Variants in ZNF273 observed in about 807,000 individuals in gnomAD.
The protein encoded by ZNF273 is zinc finger protein 9.
A neutral mutation model predicts 14.9 loss-of-function variants in ZNF273; 11 were observed. The observed-to-expected ratio is 0.74, with a 90% confidence interval of 0.46 to 1.22. The LOEUF (loss-of-function observed/expected upper bound fraction) is 1.22, where lower values mean the gene tolerates loss of function less well. ZNF273 is among the 50% of genes most tolerant of loss of function. The pLI is 0.00. For missense variants in ZNF273, 577 were observed against 660.6 expected, an observed-to-expected ratio of 0.87 and a Z score of 1.39; for synonymous variants, 199 against 223.9, an observed-to-expected ratio of 0.89 and a Z score of 0.99.
intron 1 of ZNF273, among the ~76,000 whole-genome samples, chr7:64,905,551 C>G (rs1227594702): frequency 7.9e-6 from 1 of 125,974 alleles, no homozygotes; most frequent in Non-Finnish European, 1.7e-5. Flanking sequence ...AAGGGGAAAA[C>G]AAATAATTTC....
intron 3 of ZNF273, among the ~76,000 whole-genome samples, chr7:64,896,530 A>G (rs1792372397): frequency 6.6e-6 from 1 of 152,134 alleles, no homozygotes; most frequent in African/African-American, 2.4e-5. Context: ...TAAATATGAC[A>G]AAATATACCC....
downstream of ZNF273, among the ~76,000 whole-genome samples, chr7:64,891,739 A>G (rs753701507): frequency 1.3e-5 from 2 of 152,258 alleles, no homozygotes; most frequent in African/African-American, 2.4e-5. Context: ...CAGCTAAGTC[A>G]TAAAGACACA....
intron 1 of ZNF273, among the ~76,000 whole-genome samples, chr7:64,916,070 C>T (rs1327063291): frequency 6.6e-6 from 1 of 151,716 alleles, no homozygotes; most frequent in Non-Finnish European, 1.5e-5. Context: ...GTGGCACATG[C>T]TTGTAGTCCC....
chr7:64,906,779 T>A lies in ZNF273; in HGVS notation c.102+3360T>A, dbSNP rs186988715. On this transcript the variant is annotated intron_variant, in intron 1 of 3. Transcript: ENST00000476120. Reference sequence around the variant, plus strand: ...GGGATTAGGAAGGTCTTACTGGAGATGAAGTTGTTACTGTTTTAAGGCAGT... The same window carrying A: ...GGGATTAGGAAGGTCTTACTGGAGAAGAAGTTGTTACTGTTTTAAGGCAGT... Among the ~76,000 whole-genome samples, 22 of 152,256 alleles carry A rather than the reference T, an allele frequency of 1.4e-4. No individual in the cohort carries two copies. The East Asian group carries it at 4.2e-3, about 29-fold the overall frequency.
At chr7:64,921,632 TTTTTTGTGTG>T (rs1794464552) in intron 3 of ZNF273, among the ~76,000 whole-genome samples, 1 of 31,486 alleles carries the variant, frequency 3.2e-5, no homozygotes, top group Non-Finnish European at 6.3e-5. Context: ...TTTTTTTTTT[TTTTTTGTGTG>T]TGAGACAGAG....
At chr7:64,933,412 G>A (rs1045125449), downstream of ZNF273, 1 of 152,126 alleles carries the variant, frequency 6.6e-6, no homozygotes, top group Non-Finnish European at 1.5e-5. Context: ...GGATTAAAAC[G>A]TTTTCTATTT....
At chr7:64,922,852 G>A (rs1794567401) in intron 3 of ZNF273, among the ~76,000 whole-genome samples, 1 of 151,998 alleles carries the variant, frequency 6.6e-6, no homozygotes, top group Non-Finnish European at 1.5e-5. Flanking sequence ...TGTAATCCCA[G>A]CTTTACCGGA....
At chr7:64,918,548 C>A (rs1273109440) in intron 3 of ZNF273, among the ~76,000 whole-genome samples, 1 of 151,080 alleles carries the variant, frequency 6.6e-6, no homozygotes, top group Admixed American at 6.6e-5. Flanking sequence ...GTAGTCCCAG[C>A]TACTTGGAAG....
rs12671736 is a variant in ZNF273 at position 64,929,361 on chromosome 7, G to A, written c.*323G>A. 0.048 allele frequency: 8,223 copies of A among 170,972 alleles called. 678 individuals carry two copies. Among genetic ancestry groups the A allele is most frequent in the African/African-American group, 0.17 (7,356 of 42,138 alleles). 10.6% of individuals were successfully genotyped at this position (170,972 alleles called of 1,614,324 possible). On this transcript the variant is annotated 3_prime_UTR_variant, in exon 4 of 4. Transcript: ENST00000476120. ...GTACAAAGAGGTTTGTAGTACCTTT[G>A]TTTGTATCATAGATCTTATTGTACA...
upstream of ZNF273, among the ~76,000 whole-genome samples, chr7:64,901,976 T>C (rs1792747886): frequency 1.4e-5 from 2 of 144,158 alleles, no homozygotes; most frequent in African/African-American, 2.6e-5. Flanking sequence ...ATCCTAGCAC[T>C]ACTTTGGGAG....
downstream of ZNF273, chr7:64,933,284 A>G (rs1286101902): frequency 1.3e-5 from 2 of 152,084 alleles, no homozygotes; most frequent in Non-Finnish European, 2.9e-5. Flanking sequence ...CACTTTTCTT[A>G]ATATATATTT....
chr7:64,901,113 A>G (rs1381335178), upstream of ZNF273, among the ~76,000 whole-genome samples: 1 of 151,392 alleles, frequency 6.6e-6, no homozygotes, highest in Non-Finnish European at 1.5e-5. Context: ...AGCGATTCTC[A>G]TACCTTAGCC....
rs182858667 is a variant in ZNF273, at chr7:64,929,806, A to C, written c.*768A>C. 1 of 152,672 alleles carries C rather than the reference A, an allele frequency of 6.5e-6. No individual in the cohort carries two copies. Among genetic ancestry groups the C allele is most frequent in the African/African-American group, 2.4e-5 (1 of 41,550 alleles). 9.5% of individuals were successfully genotyped at this position (152,672 alleles called of 1,614,324 possible). On this transcript the variant is annotated 3_prime_UTR_variant, in exon 4 of 4. Coordinates refer to ENST00000476120, the MANE Select transcript of ZNF273 (RefSeq NM_021148.3). The stretch of plus-strand genomic sequence containing the variant: ...AGGTTTTTTGAAAAGTGAATAATGT[A>C]ATTCAACTCTCAAATTCATGGTTTT...
At chr7:64,909,743 A>G (rs1362620482) in intron 1 of ZNF273, among the ~76,000 whole-genome samples, 1 of 152,098 alleles carries the variant, frequency 6.6e-6, no homozygotes, top group Non-Finnish European at 1.5e-5. Flanking sequence ...TCTTTGAGAA[A>G]TCATCACACT....
At chr7:64,888,675 CAA>C (rs1193371517) in exon 2 of ZNF273, 2 of 985,668 alleles carry the variant, frequency 2.0e-6, no homozygotes, top group Non-Finnish European at 2.4e-6. Context: ...GCGTCTTCGG[CAA>C]AGTCTTCGGG....
chr7:64,892,254 A>G (rs530280851), downstream of ZNF273, among the ~76,000 whole-genome samples: 1 of 152,358 alleles, frequency 6.6e-6, no homozygotes, highest in Admixed American at 6.5e-5. Context: ...GAATGCTGCC[A>G]CACTTGGAAA....
intron 3 of ZNF273, chr7:64,924,444 T>A (rs1451654282): frequency 6.6e-6 from 1 of 152,198 alleles, no homozygotes; most frequent in African/African-American, 2.4e-5. Context: ...TATTGTTCTC[T>A]ATGTGTTTCA....
At chr7:64,931,870 A>AT (rs571663300), downstream of ZNF273, among the ~76,000 whole-genome samples, 5 of 152,108 alleles carry the variant, frequency 3.3e-5, no homozygotes, top group Non-Finnish European at 7.4e-5. Context: ...TGGAGAGGAC[A>AT]TTTTTTTTCC....
At chr7:64,916,793 A>G (rs755858839) in intron 1 of ZNF273, among the ~76,000 whole-genome samples, 3 of 151,440 alleles carry the variant, frequency 2.0e-5, no homozygotes, top group Non-Finnish European at 2.9e-5. Context: ...CATGTAACCT[A>G]TGTTACATGT....
Sources: gnomAD v4.1 joint callset for allele counts (sites outside exome capture counted in the v4.1 genomes callset) on GRCh38, gnomAD v4.1.1 for gene constraint, MANE v1.5 for transcripts, NCBI Gene and HGNC (gene_info 2026-07-23, HGNC 2026-07-21) for gene names.